EIF4G3: variants seen among roughly 807,000 people sequenced by gnomAD.
The protein encoded by EIF4G3 is eIF-4-gamma 3.
In EIF4G3, 34 loss-of-function variants were observed where a neutral mutation model predicts 186.4. That is an observed-to-expected ratio of 0.18 (90% CI 0.14 to 0.24). The LOEUF is 0.24. EIF4G3 is among the 10% of genes least tolerant of loss of function. EIF4G3 has a pLI of 1.00. For missense variants in EIF4G3, 1,536 were observed against 1,948.5 expected, an observed-to-expected ratio of 0.79 and a Z score of 3.99; for synonymous variants, 673 against 679.5, an observed-to-expected ratio of 0.99 and a Z score of 0.15.
At chr1:21,014,301 G>A (rs553398851) in intron 4 of EIF4G3, among the ~76,000 whole-genome samples, 177 of 152,334 alleles carry the variant, frequency 1.2e-3, no homozygotes, top group African/African-American at 3.9e-3. Flanking sequence ...AGTTCCTGGG[G>A]TATTTGGTTT....
intron 2 of EIF4G3, among the ~76,000 whole-genome samples, chr1:21,115,742 G>A (rs551501896): frequency 6.6e-6 from 1 of 152,094 alleles, no homozygotes; most frequent in African/African-American, 2.4e-5. Flanking sequence ...TAAAGAAACA[G>A]AGTCTCACTT....
At chr1:20,972,640 AAAAAAG>A (rs1041545485) in intron 11 of EIF4G3, among the ~76,000 whole-genome samples, 4 of 152,272 alleles carry the variant, frequency 2.6e-5, no homozygotes, top group South Asian at 4.1e-4. Flanking sequence ...ATCTCAAAAA[AAAAAAG>A]AAAAAGACTG....
At chr1:20,927,965 C>T (rs544765534) in intron 14 of EIF4G3, among the ~76,000 whole-genome samples, 1 of 152,080 alleles carries the variant, frequency 6.6e-6, no homozygotes, top group Non-Finnish European at 1.5e-5. Flanking sequence ...TCAAGCAATC[C>T]TCCCATCTCA....
chr1:20,997,640 A>C lies in EIF4G3; in HGVS notation c.145-7T>G. On this transcript the variant is annotated splice_polypyrimidine_tract_variant and splice_region_variant and intron_variant, in intron 6 of 36. Transcript: ENST00000602326. ...GTCGAGGCCCCGCTGCAAACTGAGA[A>C]AAGGAGGGAAAACAAACACAAAAGG... The C allele has an allele frequency of 6.5e-7, 1 of 1,540,242 alleles. No individual in the cohort carries two copies. Among genetic ancestry groups the C allele is most frequent in the Middle Eastern group, 1.7e-4 (1 of 5,942 alleles).
intron 12 of EIF4G3, among the ~76,000 whole-genome samples, chr1:20,962,649 G>GT (rs2073608343): frequency 6.6e-6 from 1 of 152,046 alleles, no homozygotes; most frequent in African/African-American, 2.4e-5. Flanking sequence ...GTTATTCAAG[G>GT]TTTATGGCAA....
intron 2 of EIF4G3, among the ~76,000 whole-genome samples, chr1:21,101,988 A>T (rs2096536814): frequency 6.6e-6 from 1 of 152,180 alleles, no homozygotes; most frequent in Admixed American, 6.6e-5. Flanking sequence ...ATAAATTACA[A>T]ATTAAAAAAT....
intron 18 of EIF4G3, chr1:20,893,093 C>CTTT (rs1184859243): frequency 2.6e-4 from 38 of 145,576 alleles, no homozygotes; most frequent in South Asian, 9.3e-4. Flanking sequence ...TTTTTCTTTT[C>CTTT]TTTTTTTTTT....
At chr1:21,023,718 C>T (rs2091402818) in intron 4 of EIF4G3, among the ~76,000 whole-genome samples, 1 of 151,052 alleles carries the variant, frequency 6.6e-6, no homozygotes, top group South Asian at 2.1e-4. Flanking sequence ...CCTGGCCGCC[C>T]ATCGTCTGGG....
chr1:20,891,998 T>C (rs184314772), intron 18 of EIF4G3, among the ~76,000 whole-genome samples: 1 of 152,196 alleles, frequency 6.6e-6, no homozygotes, highest in East Asian at 1.9e-4. Flanking sequence ...TTCAGGTGGT[T>C]TTCGGTAGTT....
At chr1:21,058,386 T>C (rs2094676190) in intron 3 of EIF4G3, among the ~76,000 whole-genome samples, 2 of 152,128 alleles carry the variant, frequency 1.3e-5, no homozygotes, top group Admixed American at 1.3e-4. Context: ...AAATAAGGCT[T>C]TCTGCATGAA....
intron 4 of EIF4G3, among the ~76,000 whole-genome samples, chr1:21,045,513 C>T (rs141508189): frequency 6.6e-6 from 1 of 152,256 alleles, no homozygotes; most frequent in East Asian, 1.9e-4. Flanking sequence ...GCAGATAACA[C>T]CTATTACCTC....
At chr1:21,163,297 T>C (rs1236105350) in intron 2 of EIF4G3, among the ~76,000 whole-genome samples, 1 of 152,242 alleles carries the variant, frequency 6.6e-6, no homozygotes, top group East Asian at 1.9e-4. Flanking sequence ...TCAAGTGCTC[T>C]GTAGTCTGCT....
chr1:20,910,584 AAAAAAC>A (rs1271575301), intron 14 of EIF4G3, among the ~76,000 whole-genome samples: 2 of 152,294 alleles, frequency 1.3e-5, no homozygotes, highest in East Asian at 3.9e-4. Flanking sequence ...CTCCGACTCA[AAAAAAC>A]AAAAACAAAA....
chr1:21,095,817 T>C (rs1202480483), intron 2 of EIF4G3, among the ~76,000 whole-genome samples: 1 of 152,102 alleles, frequency 6.6e-6, no homozygotes, highest in Non-Finnish European at 1.5e-5. Flanking sequence ...CAAAACAATA[T>C]TGCCAGAGAC....
At chr1:21,034,835 G>A (rs994396683) in intron 4 of EIF4G3, among the ~76,000 whole-genome samples, 7 of 152,154 alleles carry the variant, frequency 4.6e-5, no homozygotes, top group Non-Finnish European at 8.8e-5. Flanking sequence ...CCCCATGTCA[G>A]GGTGTCTGCT....
chr1:21,089,021 A>G (rs1572368445), intron 3 of EIF4G3, 117 bp downstream of exon 3: 3 of 632,884 alleles, frequency 4.7e-6, no homozygotes, highest in East Asian at 2.8e-5. Flanking sequence ...TCAGAATTTT[A>G]TTGAACTTTT....
At chr1:21,103,542 T>C (rs2096563699) in intron 2 of EIF4G3, among the ~76,000 whole-genome samples, 1 of 152,054 alleles carries the variant, frequency 6.6e-6, no homozygotes, top group Non-Finnish European at 1.5e-5. Context: ...GAGGAAAAAT[T>C]AATGAAGAAA....
Position 20,833,417 on chromosome 1 carries a change from T to C in EIF4G3, c.4062-4145A>G, listed in dbSNP as rs1172968448. Among the ~76,000 whole-genome samples, 6 of 152,116 alleles carry C rather than the reference T, an allele frequency of 3.9e-5. No homozygotes were observed. The South Asian group carries it at 6.2e-4, about 16-fold the overall frequency. ...TCATGATTTGGCTCTCTGTCTGTTG[T>C]TGGTGTATAAGAATGCTTGTGATTT... On this transcript the variant is annotated intron_variant, in intron 30 of 36. Coordinates refer to ENST00000602326, the MANE Select transcript of EIF4G3 (RefSeq NM_001391906.1).
intron 4 of EIF4G3, among the ~76,000 whole-genome samples, chr1:21,015,132 T>C (rs781259965): frequency 7.3e-5 from 11 of 151,122 alleles, no homozygotes; most frequent in Admixed American, 2.0e-4. Flanking sequence ...AATAACTGAA[T>C]TGAAAAATTC....
Sources: gnomAD v4.1 joint callset for allele counts (sites outside exome capture counted in the v4.1 genomes callset) on GRCh38, gnomAD v4.1.1 for gene constraint, MANE v1.5 for transcripts, NCBI Gene and HGNC (gene_info 2026-07-23, HGNC 2026-07-21) for gene names.